Variants in RAP1GDS1 observed in about 807,000 individuals in gnomAD.
The protein encoded by RAP1GDS1 is Rap1 GTPase-GDP dissociation stimulator 1.
Under a neutral mutation model 71.1 loss-of-function variants are expected in RAP1GDS1, and 35 were observed. The observed-to-expected ratio is 0.49, with a 90% CI of 0.38 to 0.65. The LOEUF is 0.65. RAP1GDS1 is among the 30% of genes least tolerant of loss of function. The probability of loss-of-function intolerance (pLI) is 0.00; values close to 1 mark genes in which losing one functional copy is unlikely to be tolerated. For synonymous variants in RAP1GDS1, 229 were observed against 243.1 expected (o/e 0.94, Z 0.54); for missense variants, 663 against 706.1 (o/e 0.94, Z 0.69).
At chr4:98,286,483 A>G (rs561890735) in intron 1 of RAP1GDS1, among the ~76,000 whole-genome samples, 2 of 152,276 alleles carry the variant, frequency 1.3e-5, no homozygotes, top group East Asian at 3.9e-4. Context: ...ATAGTTTAAT[A>G]TTGTAGTTGT....
rs33949671 is a variant in RAP1GDS1 at position 98,335,550 on chromosome 4, GTTTTT to G, written c.113-7583_113-7579del. 8.1e-5 allele frequency among the ~76,000 whole-genome samples: 12 copies of G among 148,680 alleles called. No individual in the cohort carries two copies. In the East Asian group the frequency reaches 2.0e-3, roughly 24 times the overall value. On this transcript the variant is annotated intron_variant, in intron 2 of 14. Transcript: ENST00000408927. ...TATAGAATGTGGAAAATATGAAAAA[GTTTTT>G]TTTTTATTTTACAAGTTTGAATTAT...
At chr4:98,430,872 C>T (rs1475785756) in intron 12 of RAP1GDS1, among the ~76,000 whole-genome samples, 2 of 152,176 alleles carry the variant, frequency 1.3e-5, no homozygotes, top group African/African-American at 4.8e-5. Context: ...TTCAACCCTT[C>T]AAAAGTTTGC....
At chr4:98,277,804 A>G (rs1724451269) in intron 1 of RAP1GDS1, among the ~76,000 whole-genome samples, 1 of 152,224 alleles carries the variant, frequency 6.6e-6, no homozygotes, top group Non-Finnish European at 1.5e-5. Context: ...TCCTATAGTG[A>G]TAATAGGAAT....
In RAP1GDS1 at chr4:98,417,382, A is replaced by G; in HGVS notation, c.923A>G (p.Lys308Arg). 6.2e-7 allele frequency: 1 copy of G among 1,612,534 alleles called. No individual in the cohort carries two copies. The highest frequency in any genetic ancestry group is 8.5e-7 in the Non-Finnish European group (1 of 1,178,844). The change falls in exon 9 of 15, where the codon AAG becomes AGG. Residue 308 changes from lysine to arginine, a missense_variant. Lys to Arg is a conservative substitution (Grantham distance 26, BLOSUM62 2). Coordinates refer to ENST00000408927, the MANE Select transcript of RAP1GDS1 (RefSeq NM_001100427.2). Reference protein sequence around the residue: ...LLLLGDESMQKLFEGGKGSVF... With the variant: ...LLLLGDESMQRLFEGGKGSVF... ...TTACCTCCAGATGAATCCATGCAGA[A>G]GTTATTTGAAGGAGGAAAAGGTAGT...
chr4:98,276,257 A>G lies in RAP1GDS1; in HGVS notation c.4+14688A>G, dbSNP rs571055983. Among the ~76,000 whole-genome samples the G allele has an allele frequency of 2.0e-5, 3 of 152,238 alleles. No individual in the cohort carries two copies. The East Asian group carries it at 5.8e-4, about 29-fold the overall frequency. ...CTCTAATGACCTAATCACCTCTCAA[A>G]GGCCCTACCACCTAATATCATCCAC... is the stretch of plus-strand genomic sequence containing the variant. On this transcript the variant is annotated intron_variant, in intron 1 of 14. Coordinates refer to ENST00000408927, the MANE Select transcript of RAP1GDS1 (RefSeq NM_001100427.2).
At chr4:98,302,007 T>C (rs1304101878) in intron 2 of RAP1GDS1, among the ~76,000 whole-genome samples, 3 of 152,318 alleles carry the variant, frequency 2.0e-5, no homozygotes, top group African/African-American at 7.2e-5. Flanking sequence ...TTGCCCTTAC[T>C]GCATTCAATT....
rs576827791 is a variant in RAP1GDS1, at chr4:98,297,856, C to T, written c.112+4341C>T. On this transcript the variant is annotated intron_variant, in intron 2 of 14. Transcript: ENST00000408927. ...CTTATTGAGGAAAGCATGTCGAAAGCGGAGGCAGGTTGAAAGCAAAGATAG... is the reference window on the plus strand; with the variant it reads ...CTTATTGAGGAAAGCATGTCGAAAGTGGAGGCAGGTTGAAAGCAAAGATAG... Among the ~76,000 whole-genome samples the T allele has an allele frequency of 5.3e-5, 8 of 152,248 alleles. No homozygotes were observed. The South Asian group carries it at 8.3e-4, about 16-fold the overall frequency.
At chr4:98,413,068 C>T (rs887911479) in intron 7 of RAP1GDS1, among the ~76,000 whole-genome samples, 13 of 152,038 alleles carry the variant, frequency 8.6e-5, no homozygotes, top group South Asian at 2.1e-4. Context: ...CTTACCAGGG[C>T]GGGATCTTTT....
At chr4:98,311,830 G>A (rs926229450) in intron 2 of RAP1GDS1, among the ~76,000 whole-genome samples, 11 of 152,126 alleles carry the variant, frequency 7.2e-5, no homozygotes, top group African/African-American at 2.4e-4. Context: ...GTATACATGG[G>A]GTCTCACTAT....
chr4:98,301,980 A>T (rs1288650379), intron 2 of RAP1GDS1, among the ~76,000 whole-genome samples: 2 of 152,192 alleles, frequency 1.3e-5, no homozygotes, highest in Non-Finnish European at 2.9e-5. Flanking sequence ...AAAATCCTGG[A>T]TATTTATCCC....
chr4:98,383,050 C>T (rs1742236220), intron 5 of RAP1GDS1, among the ~76,000 whole-genome samples: 2 of 151,580 alleles, frequency 1.3e-5, no homozygotes, highest in South Asian at 4.1e-4. Flanking sequence ...TGATCTAAAG[C>T]AAAGCACTAA....
chr4:98,291,150 A>T (rs1480666551), intron 1 of RAP1GDS1, among the ~76,000 whole-genome samples: 1 of 152,140 alleles, frequency 6.6e-6, no homozygotes, highest in Non-Finnish European at 1.5e-5. Flanking sequence ...ATAGGCTTTT[A>T]GAGGACTTGG....
At chr4:98,285,041 G>C (rs181848179) in intron 1 of RAP1GDS1, among the ~76,000 whole-genome samples, 7 of 152,202 alleles carry the variant, frequency 4.6e-5, no homozygotes, top group Admixed American at 6.5e-5. Context: ...TGTGATTCCC[G>C]ATTCATAGAA....
At chr4:98,330,580 G>C (rs1272432957) in intron 2 of RAP1GDS1, among the ~76,000 whole-genome samples, 1 of 150,702 alleles carries the variant, frequency 6.6e-6, no homozygotes, top group Admixed American at 6.6e-5. Flanking sequence ...TCACATCCCA[G>C]ACGGGGCGGC....
intron 7 of RAP1GDS1, among the ~76,000 whole-genome samples, chr4:98,416,514 T>A (rs1748046789): frequency 1.3e-5 from 2 of 150,312 alleles, no homozygotes; most frequent in South Asian, 4.2e-4. Flanking sequence ...ACCTGGCTAA[T>A]TTTTTTTTGT....
chr4:98,270,305 CAGTTATAAA>C (rs1723276637), intron 1 of RAP1GDS1, among the ~76,000 whole-genome samples: 4 of 152,218 alleles, frequency 2.6e-5, no homozygotes, highest in Admixed American at 2.6e-4. Context: ...AAGACTATTT[CAGTTATAAA>C]AGCCTGTGAT....
At chr4:98,381,460 A>G (rs1300788420) in intron 5 of RAP1GDS1, among the ~76,000 whole-genome samples, 1 of 151,462 alleles carries the variant, frequency 6.6e-6, no homozygotes, top group African/African-American at 2.4e-5. Flanking sequence ...TGTTTTGTCC[A>G]TTATTTGCTT....
At position 98,293,465 on chromosome 4, in the gene RAP1GDS1, A is replaced by T; in HGVS notation, c.62A>T (p.Asp21Val). 1.5e-5 allele frequency: 24 copies of T among 1,610,654 alleles called. No homozygotes were observed. The highest frequency in any genetic ancestry group is 2.0e-5 in the Non-Finnish European group (24 of 1,178,882). Residue 21 changes from aspartate (D) to valine (V), a missense_variant, in exon 2 of 15, where the codon GAT becomes GTT. Transcript: ENST00000408927. Reference sequence around the variant, plus strand: ...ATAACAGCTGTTGACAAGACTGAGGATAGTTTAGAAGGATGCTTGGATTGT... The same window carrying T: ...ATAACAGCTGTTGACAAGACTGAGGTTAGTTTAGAAGGATGCTTGGATTGT... ...LKITAVDKTE[D>V]SLEGCLDCLL...
At chr4:98,267,894 CTGTTT>C (rs747594538) in intron 1 of RAP1GDS1, among the ~76,000 whole-genome samples, 97 of 152,160 alleles carry the variant, frequency 6.4e-4, no homozygotes, top group Non-Finnish European at 1.1e-3. Flanking sequence ...AATGGTAGTT[CTGTTT>C]TAAGTTCGTC....
Sources: allele counts gnomAD v4.1 joint callset (sites outside exome capture counted in the v4.1 genomes callset), GRCh38; gene constraint gnomAD v4.1.1; transcripts MANE v1.5; gene names NCBI Gene and HGNC (gene_info 2026-07-23, HGNC 2026-07-21).